Variants in DPP6 observed in about 807,000 individuals in gnomAD.
The protein encoded by DPP6 is dipeptidyl peptidase like 6, also known as A-type potassium channel modulatory protein DPP6.
A neutral mutation model predicts 122.6 loss-of-function variants in DPP6; 69 were observed. That is an observed-to-expected ratio of 0.56 (90% confidence interval 0.46 to 0.69). The LOEUF (loss-of-function observed/expected upper bound fraction) is 0.69. Ranked by LOEUF, DPP6 falls within the 30% of genes least tolerant of loss-of-function variation. The pLI is 0.00. For synonymous variants in DPP6, 418 were observed against 433.1 expected, an observed-to-expected ratio of 0.97 and a Z score of 0.43; for missense variants, 928 against 1,116.9, an observed-to-expected ratio of 0.83 and a Z score of 2.41.
At chr7:153,809,674 G>C in the DPP6 span, among the ~76,000 whole-genome samples, 1 of 151,958 alleles carries the variant, frequency 6.6e-6, no homozygotes, top group South Asian at 2.1e-4. Flanking sequence ...ATAATGACTT[G>C]CTGGTAGAGA....
intron 1 of DPP6, among the ~76,000 whole-genome samples, chr7:154,367,656 G>T (rs1262311450): frequency 6.6e-6 from 1 of 152,146 alleles, no homozygotes; most frequent in East Asian, 1.9e-4. Context: ...AGTCTGACAG[G>T]AACATACCCA....
At chr7:154,772,704 C>A in intron 9 of DPP6, 141 bp from the exon 10 acceptor site, 2 of 1,156,482 alleles carry the variant, frequency 1.7e-6, no homozygotes, top group Non-Finnish European at 2.4e-6. Context: ...ATTTGTTCTC[C>A]ACATTAATTC....
intron 16 of DPP6, among the ~76,000 whole-genome samples, chr7:154,819,444 A>T (rs1799628323): frequency 6.6e-6 from 1 of 152,166 alleles, no homozygotes; most frequent in African/African-American, 2.4e-5. Context: ...TTAATTAATT[A>T]ATTCAACTCA....
intron 1 of DPP6, among the ~76,000 whole-genome samples, chr7:153,919,618 C>A (rs188888755): frequency 7.1e-4 from 108 of 152,244 alleles, no homozygotes; most frequent in Middle Eastern, 3.4e-3. Flanking sequence ...AATACAAACT[C>A]AGGTGGATGA....
chr7:154,504,331 G>A (rs1276325865), intron 3 of DPP6, among the ~76,000 whole-genome samples: 1 of 152,130 alleles, frequency 6.6e-6, no homozygotes, highest in Non-Finnish European at 1.5e-5. Flanking sequence ...TTGTTAACTA[G>A]GTGTATGATT....
intron 5 of DPP6, among the ~76,000 whole-genome samples, chr7:154,609,011 A>T (rs1014626656): frequency 2.0e-5 from 3 of 152,058 alleles, no homozygotes; most frequent in Admixed American, 1.3e-4. Context: ...GGCCCAAGGC[A>T]CTCACCCTGT....
At chr7:154,787,670 C>A (rs143978124) in intron 10 of DPP6, among the ~76,000 whole-genome samples, 89 of 152,210 alleles carry the variant, frequency 5.8e-4, no homozygotes, top group African/African-American at 2.1e-3. Flanking sequence ...TTTCTTTAAC[C>A]AATATTAAGT....
At chr7:154,803,425 C>T (rs758582780) in intron 13 of DPP6, among the ~76,000 whole-genome samples, 5 of 152,204 alleles carry the variant, frequency 3.3e-5, no homozygotes, top group Non-Finnish European at 1.5e-5. Context: ...CCCTTTCTCC[C>T]TCCGTTTATT....
intron 6 of DPP6, among the ~76,000 whole-genome samples, chr7:154,645,546 A>G (rs7787205): frequency 0.37 from 55,855 of 151,936 alleles, 10,317 homozygotes; most frequent in East Asian, 0.49. Flanking sequence ...TTTAGAGTCA[A>G]GGAGATCTGG....
intron 1 of DPP6, among the ~76,000 whole-genome samples, chr7:154,380,052 C>A (rs899959532): frequency 3.3e-5 from 5 of 151,912 alleles, no homozygotes; most frequent in Admixed American, 1.3e-4. Flanking sequence ...AAAAAGAAAC[C>A]AACCAAAAAG....
rs192978322 is a variant in DPP6, at chr7:153,915,989, C to T, written c.51+28255C>T. ...TTTATTTATTTATTTATTTTCGAGA[C>T]AGAGTCTCGCTCTGTCGCCCAGGCT... On this transcript the variant is annotated intron_variant, in intron 1 of 25. Coordinates refer to the DPP6 transcript ENST00000404039. Among the ~76,000 whole-genome samples, 761 of 151,056 alleles carry T rather than the reference C, an allele frequency of 5.0e-3. 10 individuals are homozygous for T. The highest frequency in any genetic ancestry group is 0.017 in the African/African-American group (712 of 40,724).
At chr7:153,808,960 G>A in the DPP6 span, among the ~76,000 whole-genome samples, 1 of 151,736 alleles carries the variant, frequency 6.6e-6, no homozygotes, top group African/African-American at 2.4e-5. Flanking sequence ...TTATTTTTTT[G>A]TGGAACCTCC....
chr7:154,706,000 C>G (rs1168514431), intron 7 of DPP6, among the ~76,000 whole-genome samples: 1 of 152,332 alleles, frequency 6.6e-6, no homozygotes, highest in Non-Finnish European at 1.5e-5. Flanking sequence ...TGTCCCCCCT[C>G]TACTCGGCCC....
rs111629717 is a variant in DPP6, at chr7:154,848,338, GC to G, written c.1667-5441del. Among the ~76,000 whole-genome samples the G allele has an allele frequency of 3.0e-3, 380 of 124,626 alleles. 3 individuals are homozygous for G. The highest frequency in any genetic ancestry group is 9.0e-3 in the African/African-American group (368 of 40,678). The allele number at this position is 124,626 out of a possible 152,430, so 81.8% of individuals were successfully genotyped here. ...TCCACATGCTTGCCGACACTTGTTAGCTTTTTTTTCTTTATAATAGCCATTC... is the reference window on the plus strand; with the variant it reads ...TCCACATGCTTGCCGACACTTGTTAGTTTTTTTTCTTTATAATAGCCATTC... On this transcript the variant is annotated intron_variant, in intron 16 of 25. Coordinates refer to ENST00000377770, the MANE Select transcript of DPP6 (RefSeq NM_130797.4).
At chr7:153,825,356 A>G in the DPP6 span, among the ~76,000 whole-genome samples, 4 of 151,920 alleles carry the variant, frequency 2.6e-5, no homozygotes, top group Non-Finnish European at 4.4e-5. Flanking sequence ...TTCCATTCCT[A>G]TTCCCAATCC....
chr7:154,425,604 A>AAAAAG (rs60604834), intron 1 of DPP6, among the ~76,000 whole-genome samples: 2 of 128,278 alleles, frequency 1.6e-5, no homozygotes, highest in South Asian at 2.5e-4. Context: ...GGGGAAAAAA[A>AAAAAG]TGTGTGTGTG....
chr7:154,335,818 A>C lies in DPP6; in HGVS notation c.244-110396A>C, dbSNP rs549382916. Among the ~76,000 whole-genome samples, 29 of 152,212 alleles carry C rather than the reference A, an allele frequency of 1.9e-4. No individual in the cohort carries two copies. In the South Asian group the frequency reaches 4.4e-3, roughly 23 times the overall value. The stretch of plus-strand genomic sequence containing the variant: ...CCGTTTCTGGTGTTGCTGGTGCTGC[A>C]TGGGATGAGTCTGTGGGGCACTCCA... On this transcript the variant is annotated intron_variant, in intron 1 of 25. Coordinates refer to ENST00000377770, the MANE Select transcript of DPP6 (RefSeq NM_130797.4).
chr7:154,126,857 A>C (rs1218331914), intron 1 of DPP6, among the ~76,000 whole-genome samples: 1 of 152,198 alleles, frequency 6.6e-6, no homozygotes, highest in Non-Finnish European at 1.5e-5. Flanking sequence ...TGCTGCCGTT[A>C]AAGACTTTCT....
At chr7:154,544,164 T>C (rs1345899008) in intron 4 of DPP6, among the ~76,000 whole-genome samples, 1 of 148,360 alleles carries the variant, frequency 6.7e-6, no homozygotes, top group Non-Finnish European at 1.5e-5. Flanking sequence ...TATATATATA[T>C]ATATAGTGGG....
Sources: gnomAD v4.1 joint callset for allele counts (sites outside exome capture counted in the v4.1 genomes callset) on GRCh38, gnomAD v4.1.1 for gene constraint, MANE v1.5 for transcripts, NCBI Gene and HGNC (gene_info 2026-07-23, HGNC 2026-07-21) for gene names.